Variants in FARP1 observed in about 807,000 individuals in gnomAD.
FARP1 encodes FERM, ARH/RhoGEF and pleckstrin domain protein 1.
FARP1 carries 52 observed loss-of-function variants against 128.8 expected under a neutral mutation model. The observed-to-expected ratio is 0.40, with a 90% CI of 0.32 to 0.51. FARP1 has a LOEUF of 0.51. Among genes scored for constraint, FARP1 ranks in the 20% least tolerant of loss-of-function variants. The pLI, the probability that FARP1 is intolerant of heterozygous loss-of-function variation, is 0.45. For synonymous variants in FARP1, 580 were observed against 551.8 expected (o/e 1.05, Z -0.72); for missense variants, 1,333 against 1,367.9 (o/e 0.97, Z 0.40).
intron 1 of FARP1, among the ~76,000 whole-genome samples, chr13:98,158,718 C>T (rs1009632993): frequency 1.3e-5 from 2 of 152,152 alleles, no homozygotes; most frequent in Non-Finnish European, 2.9e-5. Context: ...CTGCTTTTCT[C>T]AGGATTATAG....
chr13:98,245,412 T>C (rs2139465397), intron 2 of FARP1: 2 of 919,440 alleles, frequency 2.2e-6, no homozygotes, highest in Non-Finnish European at 2.6e-6. Context: ...TTCAGTGTTT[T>C]ATGTGACAAA....
intron 24 of FARP1, among the ~76,000 whole-genome samples, chr13:98,441,472 G>A (rs1892522201): frequency 6.6e-6 from 1 of 152,262 alleles, no homozygotes; most frequent in Non-Finnish European, 1.5e-5. Context: ...GGGAGCTGAT[G>A]GGACAGGCTG....
chr13:98,295,518 A>G (rs1394400103), intron 2 of FARP1, among the ~76,000 whole-genome samples: 3 of 152,226 alleles, frequency 2.0e-5, no homozygotes, highest in African/African-American at 4.8e-5. Context: ...CTTTGAAAGC[A>G]TAAAAAGCCT....
At chr13:98,380,101 T>TC (rs1889833824) in intron 6 of FARP1, among the ~76,000 whole-genome samples, 1 of 152,280 alleles carries the variant, frequency 6.6e-6, no homozygotes, top group Admixed American at 6.5e-5. Context: ...TGCCATTGAG[T>TC]CGTGTACTTC....
chr13:98,209,094 C>G (rs56954084), intron 1 of FARP1, among the ~76,000 whole-genome samples: 6,302 of 152,224 alleles, frequency 0.041, 439 homozygotes, highest in African/African-American at 0.14. Context: ...CTGTAAGCTC[C>G]GCCTCCCGGG....
intron 1 of FARP1, among the ~76,000 whole-genome samples, chr13:98,168,355 C>G (rs1219517257): frequency 1.3e-5 from 2 of 152,050 alleles, no homozygotes; most frequent in Non-Finnish European, 2.9e-5. Context: ...CTTGCTTTTC[C>G]TTTGCTTCAT....
intron 2 of FARP1, chr13:98,244,342 G>A: frequency 4.7e-6 from 3 of 644,018 alleles, no homozygotes; most frequent in Non-Finnish European, 8.0e-6. Flanking sequence ...TATAAGTATA[G>A]GCTGGTGTTA....
At chr13:98,177,391 A>T (rs1878166222) in intron 1 of FARP1, 1 of 580,078 alleles carries the variant, frequency 1.7e-6, no homozygotes, top group Non-Finnish European at 2.9e-6. Flanking sequence ...TCACTCTTGT[A>T]ATCCCGGGAC....
intron 13 of FARP1, chr13:98,400,084 C>G (rs1292811726): frequency 6.6e-6 from 1 of 152,176 alleles, no homozygotes; most frequent in South Asian, 2.1e-4. Flanking sequence ...TATCTCCCCC[C>G]AATTGTGCCA....
At chr13:98,408,153 T>C (rs1566298616) in intron 13 of FARP1, among the ~76,000 whole-genome samples, 1 of 152,132 alleles carries the variant, frequency 6.6e-6, no homozygotes, top group Non-Finnish European at 1.5e-5. Flanking sequence ...AAATCTGCTT[T>C]ATTAGTATAA....
intron 2 of FARP1, among the ~76,000 whole-genome samples, chr13:98,296,859 A>G (rs1289654722): frequency 6.6e-6 from 1 of 151,546 alleles, no homozygotes; most frequent in Non-Finnish European, 1.5e-5. Context: ...TAATTTTTGT[A>G]TTTTTTGTGG....
intron 6 of FARP1, among the ~76,000 whole-genome samples, chr13:98,379,125 A>ATATATGTAATATGTAATC (rs1889762757): frequency 1.9e-5 from 1 of 53,358 alleles, no homozygotes; most frequent in Non-Finnish European, 2.9e-5. Flanking sequence ...TATATATAAT[A>ATATATGTAATATGTAATC]TATATATAAT....
At chr13:98,186,853 G>A (rs767909543) in intron 1 of FARP1, among the ~76,000 whole-genome samples, 3 of 151,930 alleles carry the variant, frequency 2.0e-5, no homozygotes, top group South Asian at 2.1e-4. Flanking sequence ...TTAGCTGGGC[G>A]TGGTGGCATG....
At chr13:98,370,865 A>G (rs964279223) in intron 5 of FARP1, among the ~76,000 whole-genome samples, 4 of 152,196 alleles carry the variant, frequency 2.6e-5, no homozygotes, top group Non-Finnish European at 5.9e-5. Flanking sequence ...AAAGGCAGCC[A>G]GGAATTGGCA....
chr13:98,187,191 A>G lies in FARP1; in HGVS notation c.-23-26029A>G, dbSNP rs570109821. Among the ~76,000 whole-genome samples the G allele has an allele frequency of 3.9e-5, 6 of 152,174 alleles. No homozygotes were observed. The South Asian group carries it at 1.2e-3, about 32-fold the overall frequency. Reference sequence around the variant, plus strand: ...TCATTATTTTTTGACCTGGAAACTAATGTATCTTTCCAAAATGATTGCACT... The same window carrying G: ...TCATTATTTTTTGACCTGGAAACTAGTGTATCTTTCCAAAATGATTGCACT... On this transcript the variant is annotated intron_variant, in intron 1 of 26. Transcript: ENST00000319562.
intron 2 of FARP1, among the ~76,000 whole-genome samples, chr13:98,238,807 G>A (rs1366933510): frequency 6.6e-6 from 1 of 152,114 alleles, no homozygotes; most frequent in Non-Finnish European, 1.5e-5. Context: ...GACTGGCTAT[G>A]TTACTGATAA....
intron 4 of FARP1, among the ~76,000 whole-genome samples, chr13:98,367,567 A>AT (rs1316809971): frequency 6.7e-6 from 1 of 148,490 alleles, no homozygotes; most frequent in Non-Finnish European, 1.5e-5. Context: ...CTACTTCCTG[A>AT]TTTTGTCTAA....
chr13:98,180,931 G>A (rs1260828481), intron 1 of FARP1, among the ~76,000 whole-genome samples: 3 of 152,016 alleles, frequency 2.0e-5, no homozygotes, highest in African/African-American at 7.2e-5. Flanking sequence ...ATGCCTTATT[G>A]TCCTAATACT....
At chr13:98,317,966 T>G (rs1261218099) in intron 2 of FARP1, among the ~76,000 whole-genome samples, 2 of 140,096 alleles carry the variant, frequency 1.4e-5, no homozygotes, top group East Asian at 3.9e-4. Context: ...TGCGTTTCCT[T>G]CCTTCCTTCC....
Sources: gnomAD v4.1 joint callset for allele counts (sites outside exome capture counted in the v4.1 genomes callset) on GRCh38, gnomAD v4.1.1 for gene constraint, MANE v1.5 for transcripts, NCBI Gene and HGNC (gene_info 2026-07-23, HGNC 2026-07-21) for gene names.